The following GPR146 variants were observed in gnomAD, a reference collection of about 807,000 sequenced individuals.
GPR146 encodes G protein-coupled receptor 146, also known as G-protein coupled receptor 146.
For synonymous variants in GPR146, 203 were observed against 104.3 expected (o/e 1.95, Z -5.77); for missense variants, 381 against 213.9 (o/e 1.78, Z -4.87).
In GPR146 at chr7:1,049,277, T is replaced by C. The variant is rs185154064; in HGVS notation, c.-25+4619T>C. 2.5e-3 allele frequency among the ~76,000 whole-genome samples: 388 copies of C among 152,338 alleles called. 3 individuals carry two copies. The highest frequency in any genetic ancestry group is 8.7e-3 in the African/African-American group (363 of 41,576). Reference sequence around the variant, plus strand: ...AGAACAGCTTCCTCTGCCCTTTATATGTGGGGAGGAGGCCAAAGATCTGCA... The same window carrying C: ...AGAACAGCTTCCTCTGCCCTTTATACGTGGGGAGGAGGCCAAAGATCTGCA... On this transcript the variant is annotated intron_variant, in intron 1 of 1. Transcript: ENST00000444847.
At chr7:1,053,519 A>G (rs191647576) in intron 1 of GPR146, among the ~76,000 whole-genome samples, 66 of 152,254 alleles carry the variant, frequency 4.3e-4, no homozygotes, top group African/African-American at 1.5e-3. Flanking sequence ...TGCCCCCTGC[A>G]GCTCCCAGCC....
rs1563059621 is a variant in GPR146, at chr7:1,058,013, CATCTG to C, written c.499_503del (p.Ile167GlnfsTer268). 1.3e-6 allele frequency: 1 copy of C among 769,884 alleles called. No individual in the cohort carries two copies. Among genetic ancestry groups the C allele is most frequent in the Non-Finnish European group, 2.4e-6 (1 of 417,970 alleles). 47.7% of individuals were successfully genotyped at this position (769,884 alleles called of 1,614,324 possible). On this transcript the variant is annotated frameshift_variant, in exon 2 of 2. Coordinates refer to ENST00000444847, the MANE Select transcript of GPR146 (RefSeq NM_001303473.2). LOFTEE classifies it low-confidence loss of function (END_TRUNC). ...CCAGCTTCTCCTCGCTGCTCTTCTA[CATCTG>C]CAGCCATGTGTCCACCCGCGCGCTA...
intron 1 of GPR146, among the ~76,000 whole-genome samples, chr7:1,055,774 C>T (rs12533004): frequency 0.17 from 25,445 of 152,086 alleles, 2,268 homozygotes; most frequent in African/African-American, 0.19. Flanking sequence ...AGTGAGACAG[C>T]CCTCCCGCTC....
intron 1 of GPR146, among the ~76,000 whole-genome samples, chr7:1,053,376 G>A (rs996176446): frequency 1.1e-4 from 16 of 152,318 alleles, no homozygotes; most frequent in African/African-American, 2.6e-4. Flanking sequence ...TAATGTGCCC[G>A]GAACAGCTCA....
At chr7:1,053,972 G>A (rs1783449173) in intron 1 of GPR146, among the ~76,000 whole-genome samples, 1 of 152,236 alleles carries the variant, frequency 6.6e-6, no homozygotes, top group African/African-American at 2.4e-5. Context: ...AGCCAGAGAG[G>A]AGGCGGGTCA....
At chr7:1,049,291 C>T (rs1782876382) in intron 1 of GPR146, among the ~76,000 whole-genome samples, 1 of 152,164 alleles carries the variant, frequency 6.6e-6, no homozygotes, top group Non-Finnish European at 1.5e-5. Flanking sequence ...GGGAGGAGGC[C>T]AAAGATCTGC....
chr7:1,047,387 G>C (rs370334643), intron 1 of GPR146, among the ~76,000 whole-genome samples: 1 of 152,224 alleles, frequency 6.6e-6, no homozygotes, highest in African/African-American at 2.4e-5. Flanking sequence ...AAAGCAAAAG[G>C]CTACAAAAAT....
In GPR146 at chr7:1,057,985, T is replaced by C; in HGVS notation, c.470T>C (p.Leu157Pro). ...GGCTTCGTGTGGGGTGGCGCGCTGCTGACCAGCTTCTCCTCGCTGCTCTTC... is the reference window on the plus strand; with the variant it reads ...GGCTTCGTGTGGGGTGGCGCGCTGCCGACCAGCTTCTCCTCGCTGCTCTTC... Reference protein sequence around the residue: ...VCGFVWGGALLTSFSSLLFYI... With the variant: ...VCGFVWGGALPTSFSSLLFYI... Residue 157 changes from leucine (L) to proline (P), a missense_variant, in exon 2 of 2, where the codon CTG (leucine) becomes CCG (proline). Physicochemically the swap from Leu to Pro is moderately conservative, Grantham distance 98. Coordinates refer to ENST00000444847, the MANE Select transcript of GPR146 (RefSeq NM_001303473.2). The C allele has an allele frequency of 1.3e-6, 1 of 770,722 alleles. No individual in the cohort carries two copies. The highest frequency in any genetic ancestry group is 2.4e-6 in the Non-Finnish European group (1 of 417,916). The allele number at this position is 770,722 out of a possible 1,614,324, so 47.7% of individuals were successfully genotyped here. A position where few individuals can be genotyped will look rare whatever the true frequency, so the allele number is the denominator to read the frequency against.
intron 1 of GPR146, among the ~76,000 whole-genome samples, chr7:1,054,225 C>T (rs537260644): frequency 2.0e-5 from 3 of 152,328 alleles, no homozygotes; most frequent in Admixed American, 6.5e-5. Flanking sequence ...ACACGCAAAG[C>T]GCGTCACCTT....
At position 1,052,391 on chromosome 7, in the gene GPR146, G is replaced by GACCT. The variant is rs1783210435; in HGVS notation, c.-24-5100_-24-5097dup. Among the ~76,000 whole-genome samples the GACCT allele has an allele frequency of 6.6e-6, 1 of 152,218 alleles. No individual in the cohort carries two copies. The highest frequency in any genetic ancestry group is 6.5e-5 in the Admixed American group (1 of 15,290). On this transcript the variant is annotated intron_variant, in intron 1 of 1. Coordinates refer to ENST00000444847, the MANE Select transcript of GPR146 (RefSeq NM_001303473.2). This position sits in a 1 kb window ranked among gnomAD's most constrained non-coding sequence, Gnocchi z 4.2. ...TGGCACCGACGTGGGCCTGGGGAGG[G>GACCT]ACCTGTGTGTGGGTGGCAGGTCTTG...
chr7:1,056,825 T>C (rs1783831996), intron 1 of GPR146: 2 of 123,756 alleles, frequency 1.6e-5, no homozygotes, highest in African/African-American at 3.1e-5. Context: ...CTTCCCGAGA[T>C]AGCTGTAGGT....
At chr7:1,048,057 G>A (rs1055619387) in intron 1 of GPR146, among the ~76,000 whole-genome samples, 54 of 152,162 alleles carry the variant, frequency 3.5e-4, no homozygotes, top group African/African-American at 1.3e-3. Flanking sequence ...TGGCGGAGGG[G>A]TGTGGAGACA....
At chr7:1,051,644 G>A (rs1156799539) in intron 1 of GPR146, among the ~76,000 whole-genome samples, 1 of 152,218 alleles carries the variant, frequency 6.6e-6, no homozygotes. Flanking sequence ...ACGGGCAGTA[G>A]GTGCAAGGCT....
chr7:1,049,509 C>A (rs1197713145), intron 1 of GPR146, among the ~76,000 whole-genome samples: 4 of 152,262 alleles, frequency 2.6e-5, no homozygotes, highest in African/African-American at 4.8e-5. Flanking sequence ...CTGCAGTGCA[C>A]ATGCTTGCTG....
At chr7:1,048,478 G>A (rs1202247070) in intron 1 of GPR146, among the ~76,000 whole-genome samples, 3 of 152,122 alleles carry the variant, frequency 2.0e-5, no homozygotes, top group Non-Finnish European at 2.9e-5. Context: ...CTCAGGTTGA[G>A]AGGGGTGGTC....
In GPR146 at chr7:1,052,434, G is replaced by C. The variant is rs1783217445; in HGVS notation, c.-24-5058G>C. Among the ~76,000 whole-genome samples, 1 of 152,192 alleles carries C rather than the reference G, an allele frequency of 6.6e-6. No individual in the cohort carries two copies. Among genetic ancestry groups the C allele is most frequent in the African/African-American group, 2.4e-5 (1 of 41,456 alleles). On this transcript the variant is annotated intron_variant, in intron 1 of 1. Transcript: ENST00000444847. This position sits in a 1 kb window ranked among gnomAD's most constrained non-coding sequence, Gnocchi z 4.2. ...AGGTCTTGAGGAGTCGTGGGGGAGG[G>C]TTTCGGGGGGAGATGCTGGTGGTAA...
chr7:1,053,741 C>T (rs951793045), intron 1 of GPR146, among the ~76,000 whole-genome samples: 1 of 152,168 alleles, frequency 6.6e-6, no homozygotes, highest in Non-Finnish European at 1.5e-5. Flanking sequence ...GCAGGAGAAT[C>T]GCTTGAACCC....
At position 1,044,644 on chromosome 7, in the gene GPR146, C is replaced by CTT; in HGVS notation, c.-39_-38insTT. The stretch of plus-strand genomic sequence containing the variant: ...CGCCCGGCGGCGACTGCGCCGGCCG[C>CTT]CGCCCAGCAAGCCGGTGAGTGGGGC... On this transcript the variant is annotated 5_prime_UTR_variant, in exon 1 of 2. Transcript: ENST00000444847. 1 of 151,986 alleles carries CTT rather than the reference C, an allele frequency of 6.6e-6. No individual in the cohort carries two copies. Among genetic ancestry groups the CTT allele is most frequent in the Admixed American group, 6.5e-5 (1 of 15,276 alleles). The allele number at this position is 151,986 out of a possible 1,614,324, so 9.4% of individuals were successfully genotyped here.
chr7:1,050,192 G>A (rs1782965956), intron 1 of GPR146, among the ~76,000 whole-genome samples: 1 of 152,256 alleles, frequency 6.6e-6, no homozygotes, highest in African/African-American at 2.4e-5. Flanking sequence ...TCCTTTCCCA[G>A]CCTGCCTGTG....
Sources: gnomAD v4.1 joint callset for allele counts (sites outside exome capture counted in the v4.1 genomes callset) on GRCh38, gnomAD v4.1.1 for gene constraint, Gnocchi (gnomAD v3.1) non-coding constraint, MANE v1.5 for transcripts, NCBI Gene and HGNC (gene_info 2026-07-23, HGNC 2026-07-21) for gene names.